Variants in SYNE1 observed in about 807,000 individuals in gnomAD.
The protein encoded by SYNE1 is nesprin-1.
Under a neutral mutation model 1,111.0 loss-of-function variants are expected in SYNE1, and 616 were observed. The observed-to-expected ratio is 0.55, with a 90% CI of 0.52 to 0.59. The LOEUF (loss-of-function observed/expected upper bound fraction) is 0.59, where lower values mean the gene tolerates loss of function less well. Ranked by LOEUF, SYNE1 falls within the 20% of genes least tolerant of loss-of-function variation. The probability of loss-of-function intolerance (pLI) is 0.00; values close to 1 mark genes in which losing one functional copy is unlikely to be tolerated. For missense variants in SYNE1, 10,006 were observed against 10,417.0 expected (o/e 0.96, Z 1.72); for synonymous variants, 3,855 against 3,825.8 (o/e 1.01, Z -0.28).
At chr6:152,364,110 A>T (rs915668604) in intron 63 of SYNE1, among the ~76,000 whole-genome samples, 1 of 152,040 alleles carries the variant, frequency 6.6e-6, no homozygotes, top group Non-Finnish European at 1.5e-5. Context: ...TGTTCATGAG[A>T]TCTGATGATT....
At chr6:152,590,129 G>T (rs888804574) in intron 3 of SYNE1, among the ~76,000 whole-genome samples, 64 of 149,360 alleles carry the variant, frequency 4.3e-4, no homozygotes, top group African/African-American at 1.5e-3. Context: ...TTATTATTTT[G>T]TAGAGATGGG....
chr6:152,362,229 C>G lies in SYNE1; in HGVS notation c.10240G>C (p.Glu3414Gln), dbSNP rs142294508. ...AGCTCCGCATGCTGCCTTTCTGATT[C>G]ATTCAGGTTGGCTTCCATACTATCC... is the stretch of plus-strand genomic sequence containing the variant. ...WMDSMEANLN[E>Q]SERQHAELRD... Residue 3414 changes from glutamate to glutamine, a missense_variant, in exon 64 of 146, where the codon GAA becomes CAA. Physicochemically the swap from Glu to Gln is conservative, Grantham distance 29. This residue lies in a region of SYNE1 where 4,955 missense variants were observed against 5,017.2 expected (regional missense o/e 0.99). Coordinates refer to ENST00000367255, the MANE Select transcript of SYNE1 (RefSeq NM_182961.4). 2.2e-5 allele frequency: 35 copies of G among 1,614,098 alleles called. No individual in the cohort carries two copies. The African/African-American group carries it at 4.4e-4, about 20-fold the overall frequency.
At chr6:152,596,236 T>C (rs1041563620) in intron 3 of SYNE1, among the ~76,000 whole-genome samples, 4 of 150,994 alleles carry the variant, frequency 2.6e-5, no homozygotes, top group Non-Finnish European at 5.9e-5. Flanking sequence ...TTTTCTTGTT[T>C]TAAAAAGTTA....
At chr6:152,318,735 C>T (rs903471538) in intron 85 of SYNE1, 128 bp downstream of exon 85, 1 of 1,053,740 alleles carries the variant, frequency 9.5e-7, no homozygotes, top group Non-Finnish European at 1.4e-6. Flanking sequence ...AATTTCTTTA[C>T]CACCTGCTGT....
chr6:152,354,256 C>T (rs2096795551), intron 67 of SYNE1, among the ~76,000 whole-genome samples: 1 of 152,124 alleles, frequency 6.6e-6, no homozygotes, highest in Admixed American at 6.5e-5. Context: ...ATTCCTAAGG[C>T]TCAAGCATTA....
Position 152,236,088 on chromosome 6 carries a change from A to G in SYNE1, c.20396+19T>C. 6.2e-7 allele frequency: 1 copy of G among 1,612,732 alleles called. No homozygotes were observed. Among genetic ancestry groups the G allele is most frequent in the Non-Finnish European group, 8.5e-7 (1 of 1,178,714 alleles). On this transcript the variant is annotated intron_variant, in intron 110 of 145. Coordinates refer to ENST00000367255, the MANE Select transcript of SYNE1 (RefSeq NM_182961.4). ...ATGCAGCACTTATCTAAAAATATACAAAACAGTCATTGTATTACCTGGTCC... is the reference window on the plus strand; with the variant it reads ...ATGCAGCACTTATCTAAAAATATACGAAACAGTCATTGTATTACCTGGTCC...
In SYNE1 at chr6:152,326,598, C is replaced by T. The variant is rs201306174; in HGVS notation, c.14991G>A (p.Arg4997=). 3 of 1,614,170 alleles carry T rather than the reference C, an allele frequency of 1.9e-6. No individual in the cohort carries two copies. Among genetic ancestry groups the T allele is most frequent in the Non-Finnish European group, 2.5e-6 (3 of 1,180,038 alleles). ...TLTEIYSQCQ[R]YYQVFQAAND... is the part of the protein sequence containing the mutation. ...TGGCTGCTTGAAATACCTGATAATA[C>T]CTTTGACACTGGCTATATATTTCAG... The change falls in exon 79 of 146, where the codon AGG becomes AGA. Residue 4997 remains arginine, a synonymous_variant. Transcript: ENST00000367255.
Position 152,590,290 on chromosome 6 carries a change from C to T in SYNE1, c.67+37975G>A, listed in dbSNP as rs147936604. Among the ~76,000 whole-genome samples the T allele has an allele frequency of 3.5e-3, 532 of 151,736 alleles. 5 individuals carry two copies. The highest frequency in any genetic ancestry group is 0.012 in the African/African-American group (507 of 41,416). On this transcript the variant is annotated intron_variant, in intron 3 of 145. Coordinates refer to ENST00000367255, the MANE Select transcript of SYNE1 (RefSeq NM_182961.4). ...ACTGTGTTCATCTGAATGAAATAGT[C>T]ACCTGAGGCATAACAAAATATAATC...
At chr6:152,310,972 T>C (rs1254736323) in intron 87 of SYNE1, 99 bp from the exon 88 acceptor site, 32 of 1,233,332 alleles carry the variant, frequency 2.6e-5, no homozygotes, top group Non-Finnish European at 3.7e-5. Flanking sequence ...AAGTTCTGTG[T>C]GTCCGTTATT....
intron 128 of SYNE1, among the ~76,000 whole-genome samples, chr6:152,184,437 CAAAAAAAA>C (rs199660419): frequency 0.081 from 8,464 of 104,890 alleles, 424 homozygotes; most frequent in East Asian, 0.26. Context: ...AACTCTGTTT[CAAAAAAAA>C]AAAAAAAAAA....
At chr6:152,397,274 G>T (rs1198024343) in intron 49 of SYNE1, among the ~76,000 whole-genome samples, 3 of 152,178 alleles carry the variant, frequency 2.0e-5, no homozygotes, top group Admixed American at 6.5e-5. Flanking sequence ...ACATGGTCCA[G>T]GTCCACCATC....
chr6:152,213,817 A>C, intron 122 of SYNE1, 58 bp from the exon 123 acceptor site: 1 of 1,606,362 alleles, frequency 6.2e-7, no homozygotes, highest in Non-Finnish European at 8.5e-7. Flanking sequence ...TTACTTCTCT[A>C]GCATATAAAA....
chr6:152,133,237 G>A (rs1176272634), intron 143 of SYNE1, 39 bp downstream of exon 143: 3 of 1,582,250 alleles, frequency 1.9e-6, no homozygotes, highest in Non-Finnish European at 2.6e-6. Flanking sequence ...TTGGTCTCCA[G>A]TAAGAAATGC....
rs759109611 is a variant in SYNE1, at chr6:152,148,348, T to C, written c.24673A>G (p.Arg8225Gly). ...LPDDEHDLSD[R>G]ELELEDSAAL... Reference sequence around the variant, plus strand: ...GCAGAGTCTTCCAGCTCCAGCTCCCTGTCTGAGAGGTCGTGCTCATCGTCT... The same window carrying C: ...GCAGAGTCTTCCAGCTCCAGCTCCCCGTCTGAGAGGTCGTGCTCATCGTCT... Residue 8225 changes from arginine to glycine, a missense_variant, in exon 137 of 146, where the codon AGG becomes GGG. Physicochemically the swap from Arg to Gly is moderately radical, Grantham distance 125. Transcript: ENST00000367255. This position sits in a 1 kb window ranked among gnomAD's most constrained non-coding sequence, Gnocchi z 4.1. 2.5e-6 allele frequency: 4 copies of C among 1,614,158 alleles called. No individual in the cohort carries two copies. Among genetic ancestry groups the C allele is most frequent in the Non-Finnish European group, 3.4e-6 (4 of 1,180,034 alleles).
chr6:152,523,325 C>G (rs1436630727), intron 5 of SYNE1, among the ~76,000 whole-genome samples: 1 of 151,868 alleles, frequency 6.6e-6, no homozygotes, highest in African/African-American at 2.4e-5. Flanking sequence ...TTTCTTCAAT[C>G]TACATTTTTG....
At chr6:152,293,484 T>C in intron 95 of SYNE1, 104 bp downstream of exon 95, 1 of 1,372,222 alleles carries the variant, frequency 7.3e-7, no homozygotes, top group Admixed American at 1.7e-5. Flanking sequence ...TAAAAAATTT[T>C]TAAAAAGTCA....
chr6:152,326,865 G>A (rs574550974), intron 78 of SYNE1, among the ~76,000 whole-genome samples: 1 of 152,272 alleles, frequency 6.6e-6, no homozygotes, highest in East Asian at 1.9e-4. Flanking sequence ...AATAAGGACA[G>A]AAATGGGATA....
Position 152,262,140 on chromosome 6 carries a change from T to C in SYNE1, c.18864A>G (p.Lys6288=), listed in dbSNP as rs1439040795. Residue 6288 remains lysine, a synonymous_variant, in exon 101 of 146, where the codon AAA becomes AAG. Coordinates refer to ENST00000367255, the MANE Select transcript of SYNE1 (RefSeq NM_182961.4). ...LSQELGMEGE[K]SSAEDQMRMK... ...TTCTCATCTGGTCTTCAGCGGATGATTTCTCCCCTTCCATCCCCAACTCCT... is the reference window on the plus strand; with the variant it reads ...TTCTCATCTGGTCTTCAGCGGATGACTTCTCCCCTTCCATCCCCAACTCCT... 10 of 1,613,660 alleles carry C rather than the reference T, an allele frequency of 6.2e-6. No homozygotes were observed. In the Admixed American group the frequency reaches 6.7e-5, roughly 11 times the overall value.
intron 104 of SYNE1, among the ~76,000 whole-genome samples, chr6:152,250,684 T>G (rs138081247): frequency 3.8e-4 from 58 of 152,252 alleles, no homozygotes; most frequent in African/African-American, 1.3e-3. Flanking sequence ...GAAACAATAG[T>G]TTTACATATG....
Sources: allele counts gnomAD v4.1 joint callset (sites outside exome capture counted in the v4.1 genomes callset), GRCh38; gene constraint gnomAD v4.1.1; regional missense constraint gnomAD v4.1.1; non-coding constraint Gnocchi (gnomAD v3.1); transcripts MANE v1.5; gene names NCBI Gene and HGNC (gene_info 2026-07-23, HGNC 2026-07-21).